Variants in CYREN observed in about 807,000 individuals in gnomAD.
The protein encoded by CYREN is cell cycle regulator of NHEJ.
A neutral mutation model predicts 9.7 loss-of-function variants in CYREN; 7 were observed. The observed-to-expected ratio is 0.72, with a 90% CI of 0.41 to 1.36. The LOEUF (loss-of-function observed/expected upper bound fraction) is 1.36. CYREN is among the 40% of genes most tolerant of loss of function. CYREN has a pLI of 0.01. For missense variants in CYREN, 215 were observed against 198.1 expected, an observed-to-expected ratio of 1.09 and a Z score of -0.51; for synonymous variants, 76 against 77.9, an observed-to-expected ratio of 0.98 and a Z score of 0.13.
intron 2 of CYREN, among the ~76,000 whole-genome samples, chr7:135,096,454 A>C (rs1822731058): frequency 6.6e-6 from 1 of 151,752 alleles, no homozygotes; most frequent in Admixed American, 6.6e-5. Context: ...CTATTCTTTT[A>C]ATGACTCGTG....
exon 3 of CYREN, chr7:135,093,059 A>T (rs916397466): frequency 1.3e-5 from 2 of 152,110 alleles, no homozygotes; most frequent in Admixed American, 6.6e-5. Context: ...GCCATCTTCA[A>T]AAATCCTGCA....
chr7:135,169,526 T>C (rs982103126), intron 1 of CYREN: 6 of 152,242 alleles, frequency 3.9e-5, no homozygotes, highest in South Asian at 2.1e-4. Context: ...TAAAGTCTCA[T>C]TGGCCAACAC....
intron 2 of CYREN, among the ~76,000 whole-genome samples, chr7:135,152,218 A>G (rs923956693): frequency 6.6e-6 from 1 of 152,254 alleles, no homozygotes; most frequent in Non-Finnish European, 1.5e-5. Flanking sequence ...TGAATGGAAG[A>G]GCAGAGTCTT....
intron 2 of CYREN, among the ~76,000 whole-genome samples, chr7:135,136,391 C>T (rs2117383577): frequency 6.6e-6 from 1 of 152,146 alleles, no homozygotes; most frequent in South Asian, 2.1e-4. Flanking sequence ...TAGATTTCCT[C>T]AGGAATCTTT....
intron 2 of CYREN, among the ~76,000 whole-genome samples, chr7:135,107,615 G>A (rs999477435): frequency 1.3e-5 from 2 of 152,120 alleles, no homozygotes; most frequent in Non-Finnish European, 2.9e-5. Context: ...TGCATTTCCT[G>A]AGAATTGTTT....
intron 2 of CYREN, among the ~76,000 whole-genome samples, chr7:135,120,387 C>T (rs1310697636): frequency 1.3e-5 from 2 of 152,098 alleles, no homozygotes; most frequent in Non-Finnish European, 2.9e-5. Flanking sequence ...ACTAAGTTAA[C>T]ACAACCAATA....
chr7:135,101,009 T>G, intron 2 of CYREN: 1 of 352,178 alleles, frequency 2.8e-6, no homozygotes, highest in South Asian at 2.2e-5. Flanking sequence ...AAATATAACA[T>G]GGCTATTACA....
chr7:135,095,100 T>C (rs2116948845), intron 2 of CYREN, among the ~76,000 whole-genome samples: 1 of 152,292 alleles, frequency 6.6e-6, no homozygotes, highest in East Asian at 1.9e-4. Flanking sequence ...AGGTGAACAG[T>C]CTTTACCAGA....
intron 2 of CYREN, among the ~76,000 whole-genome samples, chr7:135,112,222 T>C (rs2117150511): frequency 6.6e-6 from 1 of 152,340 alleles, no homozygotes; most frequent in East Asian, 1.9e-4. Flanking sequence ...TTTGTCTCCC[T>C]GCCTTGTGTT....
At chr7:135,122,147 G>A (rs1827226578) in intron 2 of CYREN, among the ~76,000 whole-genome samples, 1 of 152,224 alleles carries the variant, frequency 6.6e-6, no homozygotes, top group Non-Finnish European at 1.5e-5. Context: ...TCCCTGGGTG[G>A]TGGAAGGGCA....
At chr7:135,129,742 G>C (rs956496476) in intron 2 of CYREN, 1 of 706,328 alleles carries the variant, frequency 1.4e-6, no homozygotes, top group Non-Finnish European at 2.7e-6. Flanking sequence ...CTAATCTTTT[G>C]TCAAGTACAC....
chr7:135,143,833 T>G (rs1829495821), intron 2 of CYREN, among the ~76,000 whole-genome samples: 1 of 152,174 alleles, frequency 6.6e-6, no homozygotes, highest in African/African-American at 2.4e-5. Flanking sequence ...AAAGACATAT[T>G]TATTCAGAAA....
At chr7:135,098,044 G>A (rs909704799) in intron 2 of CYREN, among the ~76,000 whole-genome samples, 1 of 152,134 alleles carries the variant, frequency 6.6e-6, no homozygotes, top group Admixed American at 6.5e-5. Context: ...TTTAGATATG[G>A]AGACCCTACA....
intron 2 of CYREN, among the ~76,000 whole-genome samples, chr7:135,103,654 C>A (rs979296375): frequency 2.6e-5 from 4 of 152,102 alleles, no homozygotes; most frequent in South Asian, 2.1e-4. Context: ...CAGTAGGAGA[C>A]TGAGAGGGGA....
intron 2 of CYREN, among the ~76,000 whole-genome samples, chr7:135,137,185 T>C (rs908356566): frequency 6.6e-6 from 1 of 151,132 alleles, no homozygotes; most frequent in Non-Finnish European, 1.5e-5. Flanking sequence ...CAAGAACAGA[T>C]GGGTAATATA....
intron 3 of CYREN, chr7:135,167,484 AAC>A (rs999061587): frequency 1.2e-5 from 17 of 1,387,826 alleles, no homozygotes; most frequent in African/African-American, 5.8e-5. Context: ...CGCTCTCCCT[AAC>A]ACACACACGC....
chr7:135,124,243 G>A (rs1482001770), intron 2 of CYREN, among the ~76,000 whole-genome samples: 2 of 150,574 alleles, frequency 1.3e-5, no homozygotes, highest in African/African-American at 4.9e-5. Context: ...AGTAGGGGTT[G>A]CAATCCTAGT....
chr7:135,104,329 A>G (rs1386856743), intron 2 of CYREN, among the ~76,000 whole-genome samples: 1 of 152,212 alleles, frequency 6.6e-6, no homozygotes, highest in Non-Finnish European at 1.5e-5. Flanking sequence ...ATAGGCATCT[A>G]GGTTGATTCC....
At chr7:135,115,339 G>C in intron 2 of CYREN, 1 of 1,272,482 alleles carries the variant, frequency 7.9e-7, no homozygotes, top group Non-Finnish European at 1.1e-6. Flanking sequence ...ATTGTGAATA[G>C]AGTTCATATC....
Sources: gnomAD v4.1 joint callset for allele counts (sites outside exome capture counted in the v4.1 genomes callset) on GRCh38, gnomAD v4.1.1 for gene constraint, MANE v1.5 for transcripts, NCBI Gene and HGNC (gene_info 2026-07-23, HGNC 2026-07-21) for gene names.